Variants in MEGF11 observed in about 807,000 individuals in gnomAD.
MEGF11 encodes multiple epidermal growth factor-like domains protein 11.
Under a neutral mutation model 146.6 loss-of-function variants are expected in MEGF11, and 126 were observed. The ratio of observed to expected loss-of-function variants is 0.86; its 90% CI spans 0.74 to 1.00. MEGF11 has a LOEUF of 1.00. MEGF11 is among the 50% of genes least tolerant of loss of function. The pLI, the probability that MEGF11 is intolerant of heterozygous loss-of-function variation, is 0.00. For synonymous variants in MEGF11, 532 were observed against 583.4 expected (o/e 0.91, Z 1.27); for missense variants, 1,509 against 1,521.2 (o/e 0.99, Z 0.13).
chr15:66,118,559 C>T (rs537643009), intron 4 of MEGF11, among the ~76,000 whole-genome samples: 2 of 152,232 alleles, frequency 1.3e-5, no homozygotes, highest in Non-Finnish European at 2.9e-5. Context: ...ATCCTCCCAG[C>T]TCCCGGAACC....
At chr15:66,240,570 C>A (rs1372072665) in intron 1 of MEGF11, among the ~76,000 whole-genome samples, 1 of 152,246 alleles carries the variant, frequency 6.6e-6, no homozygotes, top group Non-Finnish European at 1.5e-5. Context: ...GTCTTTGCTA[C>A]ATTCCAGACA....
At chr15:66,094,627 G>A (rs550044679) in intron 4 of MEGF11, 133 bp from the exon 5 acceptor site, 1 of 699,466 alleles carries the variant, frequency 1.4e-6, no homozygotes, top group Non-Finnish European at 2.4e-6. Flanking sequence ...ACTGGCTTGG[G>A]GGGGAAAATC....
At chr15:66,121,055 G>A (rs1462831129) in intron 3 of MEGF11, among the ~76,000 whole-genome samples, 1 of 152,150 alleles carries the variant, frequency 6.6e-6, no homozygotes, top group Non-Finnish European at 1.5e-5. Context: ...CAAGCTGTTA[G>A]CATGCACACT....
chr15:66,239,216 T>C (rs546330676), intron 1 of MEGF11, among the ~76,000 whole-genome samples: 1 of 152,256 alleles, frequency 6.6e-6, no homozygotes, highest in South Asian at 2.1e-4. Context: ...CACTGCTGAG[T>C]GAAACTCCAT....
chr15:65,899,013 G>T (rs1315112136), intron 24 of MEGF11, 79 bp from the exon 25 acceptor site: 4 of 1,378,558 alleles, frequency 2.9e-6, no homozygotes, highest in Non-Finnish European at 4.0e-6. Context: ...CTGCAGTTGA[G>T]TTTATGTGCC....
rs1001334159 is a variant in MEGF11, at chr15:65,898,609, T to G, written c.3262+119A>C. 2.0e-6 allele frequency: 3 copies of G among 1,498,122 alleles called. No homozygotes were observed. In the East Asian group the frequency reaches 7.1e-5, roughly 35 times the overall value. 92.8% of individuals were successfully genotyped at this position (1,498,122 alleles called of 1,614,324 possible). On this transcript the variant is annotated intron_variant, in intron 25 of 25. Coordinates refer to ENST00000395614, the MANE Select transcript of MEGF11 (RefSeq NM_001385028.1). Reference sequence around the variant, plus strand: ...AAGACAGTTCACCTTAGAGATGCCTTTAAAAGCAACAAAAGAAGGATGTGT... The same window carrying G: ...AAGACAGTTCACCTTAGAGATGCCTGTAAAAGCAACAAAAGAAGGATGTGT...
At chr15:66,009,889 C>T (rs985452247) in intron 5 of MEGF11, among the ~76,000 whole-genome samples, 11 of 152,182 alleles carry the variant, frequency 7.2e-5, no homozygotes, top group South Asian at 6.2e-4. Flanking sequence ...CCACCGTGCC[C>T]GGCCCACATA....
At chr15:66,006,144 G>T (rs895293060) in intron 5 of MEGF11, among the ~76,000 whole-genome samples, 1 of 152,214 alleles carries the variant, frequency 6.6e-6, no homozygotes, top group African/African-American at 2.4e-5. Flanking sequence ...GATAAGATGA[G>T]TCACACATAC....
chr15:66,226,211 C>T (rs191722322), intron 1 of MEGF11, among the ~76,000 whole-genome samples: 20 of 151,974 alleles, frequency 1.3e-4, no homozygotes, highest in Non-Finnish European at 2.4e-4. Flanking sequence ...GATCGACTGT[C>T]GGTGGTATCT....
intron 20 of MEGF11, chr15:65,913,455 G>A: frequency 1.8e-6 from 1 of 547,362 alleles, no homozygotes; most frequent in Non-Finnish European, 3.3e-6. Flanking sequence ...TAGTGTGGGT[G>A]CTCCTGAGGC....
At chr15:66,088,370 G>A (rs1211689130) in intron 5 of MEGF11, among the ~76,000 whole-genome samples, 3 of 152,214 alleles carry the variant, frequency 2.0e-5, no homozygotes, top group Non-Finnish European at 2.9e-5. Context: ...ATAACCAAAT[G>A]AGGGGGCTGG....
intron 23 of MEGF11, among the ~76,000 whole-genome samples, chr15:65,906,988 G>T (rs938803906): frequency 6.6e-6 from 1 of 152,184 alleles, no homozygotes; most frequent in African/African-American, 2.4e-5. Flanking sequence ...AAAAGAAATT[G>T]TTTGGCATTT....
At chr15:66,180,153 T>G (rs2090507746) in intron 1 of MEGF11, among the ~76,000 whole-genome samples, 1 of 152,226 alleles carries the variant, frequency 6.6e-6, no homozygotes, top group African/African-American at 2.4e-5. Flanking sequence ...TCTTCTGCAC[T>G]CTGAGCCCCA....
intron 13 of MEGF11, among the ~76,000 whole-genome samples, chr15:65,926,456 C>A (rs1344164408): frequency 6.6e-6 from 1 of 152,266 alleles, no homozygotes. Context: ...AAAATGCCAA[C>A]TGTCAGTAAG....
chr15:66,002,533 A>G (rs1432411308), intron 5 of MEGF11, among the ~76,000 whole-genome samples: 1 of 152,236 alleles, frequency 6.6e-6, no homozygotes, highest in East Asian at 1.9e-4. Context: ...GTGGACACCA[A>G]TGGACCTGGG....
In MEGF11 at chr15:66,082,672, C is replaced by A. The variant is rs1456313243; in HGVS notation, c.394+11730G>T. Among the ~76,000 whole-genome samples the A allele has an allele frequency of 1.5e-3, 60 of 39,144 alleles. 3 individuals carry two copies. The South Asian group carries it at 0.051, about 33-fold the overall frequency. The allele number at this position is 39,144 out of a possible 152,430, so 25.7% of individuals were successfully genotyped here. A position where few individuals can be genotyped will look rare whatever the true frequency, so the allele number is the denominator to read the frequency against. The stretch of plus-strand genomic sequence containing the variant: ...AGCAAGATGGAGCAAGACTCTGTCT[C>A]AAAAAAAAAAAAAAAAAAGGGCGGT... On this transcript the variant is annotated intron_variant, in intron 5 of 25. Coordinates refer to ENST00000395614, the MANE Select transcript of MEGF11 (RefSeq NM_001385028.1).
chr15:65,978,900 C>A (rs2081541252), intron 7 of MEGF11, among the ~76,000 whole-genome samples: 1 of 152,196 alleles, frequency 6.6e-6, no homozygotes, highest in Admixed American at 6.5e-5. Context: ...CTCTCTGAGC[C>A]TCAGCTTCTT....
At chr15:66,080,158 G>T (rs1597061897) in intron 5 of MEGF11, among the ~76,000 whole-genome samples, 1 of 152,272 alleles carries the variant, frequency 6.6e-6, no homozygotes, top group African/African-American at 2.4e-5. Flanking sequence ...AGCCCCCCAG[G>T]ACTCAGGGGC....
intron 5 of MEGF11, among the ~76,000 whole-genome samples, chr15:66,039,143 A>G (rs1354325104): frequency 2.0e-5 from 3 of 152,218 alleles, no homozygotes; most frequent in Non-Finnish European, 4.4e-5. Flanking sequence ...ATGCGATAGA[A>G]TTTGAGGGAT....
Sources: gnomAD v4.1 joint callset for allele counts (sites outside exome capture counted in the v4.1 genomes callset) on GRCh38, gnomAD v4.1.1 for gene constraint, MANE v1.5 for transcripts, NCBI Gene and HGNC (gene_info 2026-07-23, HGNC 2026-07-21) for gene names.